Variants in ATP8B3 observed in about 807,000 individuals in gnomAD.
ATP8B3 encodes the protein ATPase phospholipid transporting 8B3.
Under a neutral mutation model 140.9 loss-of-function variants are expected in ATP8B3, and 141 were observed. That is an observed-to-expected ratio of 1.00 (90% confidence interval 0.87 to 1.15). The LOEUF is 1.15. Ranked by LOEUF, ATP8B3 falls within the 50% of genes most tolerant of loss-of-function variation. ATP8B3 has a pLI of 0.00. For missense variants in ATP8B3, 1,874 were observed against 1,740.6 expected, an observed-to-expected ratio of 1.08 and a Z score of -1.36; for synonymous variants, 765 against 714.6, an observed-to-expected ratio of 1.07 and a Z score of -1.13.
rs746431586 is a variant in ATP8B3, at chr19:1,800,282, G to A, written c.1320C>T (p.Thr440=). 1.9e-6 allele frequency: 3 copies of A among 1,612,120 alleles called. No homozygotes were observed. The highest frequency in any genetic ancestry group is 2.5e-6 in the Non-Finnish European group (3 of 1,179,656). ...ACAGGATGAACATGGACATCGGGAT[G>A]GTGACGCTGAGCAGGATGAGGAAGC... ...FWSFLILLSV[T]IPMSMFILSE... The change falls in exon 13 of 29, where the codon ACC becomes ACT. Residue 440 remains threonine (T), a synonymous_variant. Transcript: ENST00000310127. This position sits in a 1 kb window ranked among gnomAD's most constrained non-coding sequence, Gnocchi z 4.4.
At chr19:1,797,350 C>A (rs1280900507) in intron 14 of ATP8B3, among the ~76,000 whole-genome samples, 1 of 149,960 alleles carries the variant, frequency 6.7e-6, no homozygotes, top group African/African-American at 2.5e-5. Flanking sequence ...CAGCCTGGAG[C>A]GGGATGTGGC....
chr19:1,801,295 G>A (rs1401081548), intron 12 of ATP8B3, among the ~76,000 whole-genome samples: 2 of 152,066 alleles, frequency 1.3e-5, no homozygotes, highest in African/African-American at 4.8e-5. Flanking sequence ...GGGATTACAG[G>A]TGTGAGCCAC....
intron 3 of ATP8B3, among the ~76,000 whole-genome samples, chr19:1,810,098 C>A (rs186710497): frequency 2.9e-4 from 44 of 152,330 alleles, no homozygotes; most frequent in African/African-American, 9.4e-4. Flanking sequence ...ATCCAGCTGG[C>A]GGCCCAGATC....
chr19:1,787,192 C>G lies in ATP8B3; in HGVS notation c.3070-6G>C. ...AACCATCCTTCATACAGGGGCTGAGCCGGGGGAGAAGGGCAAGGAGAACAA... is the reference window on the plus strand; with the variant it reads ...AACCATCCTTCATACAGGGGCTGAGGCGGGGGAGAAGGGCAAGGAGAACAA... On this transcript the variant is annotated splice_region_variant and splice_polypyrimidine_tract_variant and intron_variant, in intron 24 of 28. Transcript: ENST00000310127. 1 of 1,605,378 alleles carries G rather than the reference C, an allele frequency of 6.2e-7. No individual in the cohort carries two copies. Among genetic ancestry groups the G allele is most frequent in the Non-Finnish European group, 8.5e-7 (1 of 1,175,316 alleles).
At chr19:1,784,724 G>A (rs530428382) in intron 28 of ATP8B3, 95 bp downstream of exon 28, 2 of 1,430,094 alleles carry the variant, frequency 1.4e-6, no homozygotes, top group African/African-American at 2.9e-5. Flanking sequence ...GCCGAGAGGG[G>A]CCGGGACACC....
chr19:1,797,961 CT>C (rs1243398462), intron 14 of ATP8B3, among the ~76,000 whole-genome samples: 1 of 151,768 alleles, frequency 6.6e-6, no homozygotes, highest in Non-Finnish European at 1.5e-5. Flanking sequence ...CATGCCACCC[CT>C]TTGTGGTGTC....
chr19:1,809,096 C>G (rs1038340851), intron 4 of ATP8B3, among the ~76,000 whole-genome samples: 2 of 152,030 alleles, frequency 1.3e-5, no homozygotes, highest in African/African-American at 4.8e-5. Context: ...ATCACTAGAA[C>G]CCGGGAGGCA....
chr19:1,785,803 T>A, intron 25 of ATP8B3, 95 bp from the exon 26 acceptor site: 4 of 1,300,958 alleles, frequency 3.1e-6, no homozygotes, highest in Non-Finnish European at 4.2e-6. Context: ...GGGTGGCCAC[T>A]CTCTGTGTGT....
chr19:1,807,494 C>A lies in ATP8B3; in HGVS notation c.517-228G>T, dbSNP rs576434776. 1.3e-5 allele frequency among the ~76,000 whole-genome samples: 2 copies of A among 152,256 alleles called. No homozygotes were observed. Among genetic ancestry groups the A allele is most frequent in the Non-Finnish European group, 2.9e-5 (2 of 68,012 alleles). ...ACGCCTCGTCTCCCCAGCAAACTCCCCTTCTCCCGTCCAAGCCCAGCTCCC... is the reference window on the plus strand; with the variant it reads ...ACGCCTCGTCTCCCCAGCAAACTCCACTTCTCCCGTCCAAGCCCAGCTCCC... On this transcript the variant is annotated intron_variant, in intron 5 of 28. Transcript: ENST00000310127. This position sits in a 1 kb window ranked among gnomAD's most constrained non-coding sequence, Gnocchi z 5.9.
chr19:1,797,922 A>G (rs1325230767), intron 14 of ATP8B3, among the ~76,000 whole-genome samples: 1 of 151,960 alleles, frequency 6.6e-6, no homozygotes, highest in Non-Finnish European at 1.5e-5. Flanking sequence ...TTCCCTCTTC[A>G]GCCTTCCAAG....
Position 1,789,969 on chromosome 19 carries a change from C to T in ATP8B3, c.2399G>A (p.Trp800Ter), listed in dbSNP as rs759248399. ...GGTTAGAAGGTTGTTACTGTTTTCCCAGTAGGTCTCCAGGATGCGGCTGCG... is the reference window on the plus strand; with the variant it reads ...GGTTAGAAGGTTGTTACTGTTTTCCTAGTAGGTCTCCAGGATGCGGCTGCG... ...KEISRILETY[W>*]ENSNNLLTRE... The change falls in exon 22 of 29, where the codon TGG becomes TAG. Residue 800 changes from tryptophan to a stop codon, truncating the protein, a stop_gained. Transcript: ENST00000310127. LOFTEE classifies it high-confidence loss of function. 8.7e-6 allele frequency: 14 copies of T among 1,611,858 alleles called. No individual in the cohort carries two copies. Among genetic ancestry groups the T allele is most frequent in the Non-Finnish European group, 1.2e-5 (14 of 1,179,536 alleles).
In ATP8B3 at chr19:1,805,334, C is replaced by A; in HGVS notation, c.904+40G>T. The stretch of plus-strand genomic sequence containing the variant: ...AAAATACCCTAACTTTTAACTTTTA[C>A]AGATTCGAGGGACGTGACTCCCTGC... On this transcript the variant is annotated intron_variant, in intron 10 of 28. Coordinates refer to ENST00000310127, the MANE Select transcript of ATP8B3 (RefSeq NM_138813.4). This position sits in a 1 kb window ranked among gnomAD's most constrained non-coding sequence, Gnocchi z 5.2. 1 of 1,508,146 alleles carries A rather than the reference C, an allele frequency of 6.6e-7. No individual in the cohort carries two copies. Among genetic ancestry groups the A allele is most frequent in the Non-Finnish European group, 9.0e-7 (1 of 1,106,728 alleles). 93.4% of individuals were successfully genotyped at this position (1,508,146 alleles called of 1,614,324 possible).
In ATP8B3 at chr19:1,794,861, C is replaced by G. The variant is rs189718802; in HGVS notation, c.2055+1014G>C. On this transcript the variant is annotated intron_variant, in intron 18 of 28. Transcript: ENST00000310127. The surrounding 1 kb of genome is among the most constrained non-coding windows in gnomAD (Gnocchi z 4.8). ...GCCTCAAATCCTGGGCCGAGGAGTT[C>G]GGGCTTCCCCCACAGAGTGGGAAGC... 6.6e-6 allele frequency among the ~76,000 whole-genome samples: 1 copy of G among 152,152 alleles called. No individual in the cohort carries two copies. Among genetic ancestry groups the G allele is most frequent in the East Asian group, 1.9e-4 (1 of 5,182 alleles).
Position 1,807,283 on chromosome 19 carries a change from A to C in ATP8B3, c.517-17T>G, listed in dbSNP as rs750455185. ...GGGAATGCTCTGACGTGAGGGGGCC[A>C]CAGGAAGGGTCACACCAGCCCACTC... On this transcript the variant is annotated splice_polypyrimidine_tract_variant and intron_variant, in intron 5 of 28. Coordinates refer to ENST00000310127, the MANE Select transcript of ATP8B3 (RefSeq NM_138813.4). This position sits in a 1 kb window ranked among gnomAD's most constrained non-coding sequence, Gnocchi z 5.9. 41 of 1,603,076 alleles carry C rather than the reference A, an allele frequency of 2.6e-5. No individual in the cohort carries two copies. The highest frequency in any genetic ancestry group is 3.2e-5 in the Non-Finnish European group (38 of 1,171,896).
chr19:1,803,713 A>C (rs1458645382), intron 10 of ATP8B3, among the ~76,000 whole-genome samples: 1 of 152,034 alleles, frequency 6.6e-6, no homozygotes, highest in Non-Finnish European at 1.5e-5. Flanking sequence ...CCTCACCAAC[A>C]TGGTGAAACC....
Position 1,790,823 on chromosome 19 carries a change from A to G in ATP8B3, c.2312T>C (p.Val771Ala). The change falls in exon 21 of 29, where the codon GTG becomes GCG. Residue 771 changes from valine to alanine, a missense_variant. This residue lies in a region of ATP8B3 where 840 missense variants were observed against 760.9 expected (regional missense o/e 1.10). Coordinates refer to ENST00000310127, the MANE Select transcript of ATP8B3 (RefSeq NM_138813.4). ...VLTGDKQETA[V>A]NIGFACELLS... ...CAGCTCGCAGGCGAAGCCGATGTTC[A>G]CAGCCGTTTCTGCGAAGCAGACCAG... is the stretch of plus-strand genomic sequence containing the variant. The G allele has an allele frequency of 1.9e-6, 3 of 1,600,230 alleles. No homozygotes were observed. Among genetic ancestry groups the G allele is most frequent in the Non-Finnish European group, 2.6e-6 (3 of 1,174,842 alleles).
At chr19:1,787,728 TAAAA>T (rs561418063) in intron 24 of ATP8B3, among the ~76,000 whole-genome samples, 2 of 119,724 alleles carry the variant, frequency 1.7e-5, no homozygotes, top group Admixed American at 9.0e-5. Context: ...AAACTCTGTC[TAAAA>T]AAAAAAAAAA....
chr19:1,791,961 G>GCCCC (rs2145182023), intron 19 of ATP8B3, 40 bp downstream of exon 19: 1 of 1,526,484 alleles, frequency 6.6e-7, no homozygotes, highest in Middle Eastern at 1.7e-4. Flanking sequence ...TGCCCCCGCT[G>GCCCC]CCCACCCACC....
intron 5 of ATP8B3, 50 bp downstream of exon 5, chr19:1,808,172 T>G: frequency 2.8e-6 from 4 of 1,430,874 alleles, no homozygotes; most frequent in Non-Finnish European, 3.9e-6. Context: ...AACACATCGA[T>G]GCTGCCAGGT....
Sources: gnomAD v4.1 joint callset for allele counts (sites outside exome capture counted in the v4.1 genomes callset) on GRCh38, gnomAD v4.1.1 for gene constraint, gnomAD v4.1.1 regional missense constraint, Gnocchi (gnomAD v3.1) non-coding constraint, MANE v1.5 for transcripts, NCBI Gene and HGNC (gene_info 2026-07-23, HGNC 2026-07-21) for gene names.